CCDC169: variants seen among roughly 807,000 people sequenced by gnomAD.
CCDC169 encodes coiled-coil domain-containing protein 169.
Under a neutral mutation model 36.0 loss-of-function variants are expected in CCDC169, and 30 were observed. The ratio of observed to expected loss-of-function variants is 0.83; its 90% CI spans 0.62 to 1.13. CCDC169 has a LOEUF of 1.13. Among genes scored for constraint, CCDC169 ranks in the 50% most tolerant of loss-of-function variants. CCDC169 has a pLI of 0.00. For missense variants in CCDC169, 245 were observed against 245.9 expected, an observed-to-expected ratio of 1.00 and a Z score of 0.03; for synonymous variants, 85 against 81.5, an observed-to-expected ratio of 1.04 and a Z score of -0.23.
chr13:36,247,241 T>A (rs1344174266), intron 7 of CCDC169, among the ~76,000 whole-genome samples: 2 of 152,208 alleles, frequency 1.3e-5, no homozygotes, highest in African/African-American at 4.8e-5. Flanking sequence ...CCTGGTTACA[T>A]CCAAGAACTC....
chr13:36,276,437 C>A (rs909415159), intron 4 of CCDC169, among the ~76,000 whole-genome samples: 2 of 152,108 alleles, frequency 1.3e-5, no homozygotes, highest in African/African-American at 2.4e-5. Flanking sequence ...ACAAATTGAT[C>A]AAGAGTCTTC....
intron 4 of CCDC169, chr13:36,267,346 A>C (rs1435261600): frequency 6.6e-6 from 1 of 152,224 alleles, no homozygotes; most frequent in East Asian, 1.9e-4. Flanking sequence ...ATAATTTTGT[A>C]TCCAGCAAAA....
At chr13:36,223,386 A>G (rs542749255), downstream of CCDC169, 2 of 152,276 alleles carry the variant, frequency 1.3e-5, no homozygotes, top group East Asian at 3.9e-4. Context: ...ACGACTGGGT[A>G]GTTCTCCAGA....
At chr13:36,290,840 T>A (rs1373223828) in intron 2 of CCDC169, among the ~76,000 whole-genome samples, 1 of 152,104 alleles carries the variant, frequency 6.6e-6, no homozygotes, top group African/African-American at 2.4e-5. Context: ...TCTTTGACTC[T>A]AAGTTCCTTG....
At chr13:36,256,220 G>A (rs1310439673) in intron 4 of CCDC169, among the ~76,000 whole-genome samples, 2 of 152,132 alleles carry the variant, frequency 1.3e-5, no homozygotes, top group South Asian at 4.2e-4. Flanking sequence ...AAGTTCAGGA[G>A]GCCTGTTTTT....
intron 4 of CCDC169, among the ~76,000 whole-genome samples, chr13:36,271,374 T>C (rs890762272): frequency 1.3e-5 from 2 of 152,076 alleles, no homozygotes; most frequent in Admixed American, 6.5e-5. Flanking sequence ...TAAAAGTAGA[T>C]CTACCATGTG....
At chr13:36,269,354 A>C (rs1256927144) in intron 4 of CCDC169, among the ~76,000 whole-genome samples, 1 of 152,214 alleles carries the variant, frequency 6.6e-6, no homozygotes, top group Non-Finnish European at 1.5e-5. Context: ...CATTCAAAGA[A>C]TTGGTATCAA....
At chr13:36,277,311 CA>C (rs1387912789) in intron 4 of CCDC169, among the ~76,000 whole-genome samples, 1 of 151,932 alleles carries the variant, frequency 6.6e-6, no homozygotes, top group South Asian at 2.1e-4. Context: ...TGGGGCCTGT[CA>C]GGGGGTAGGG....
chr13:36,283,108 T>C lies in CCDC169; in HGVS notation c.315+361A>G, dbSNP rs573754308. ...GAAAAATTCCTGACTTTCCAAGATA[T>C]GGAAATAAAGGCATGTCTGGGTTGA... On this transcript the variant is annotated intron_variant, in intron 4 of 7. Transcript: ENST00000239859. The C allele has an allele frequency of 5.7e-5, 12 of 211,626 alleles. No individual in the cohort carries two copies. In the South Asian group the frequency reaches 1.1e-3, roughly 19 times the overall value. 13.1% of individuals were successfully genotyped at this position (211,626 alleles called of 1,614,324 possible). A position where few individuals can be genotyped will look rare whatever the true frequency, so the allele number is the denominator to read the frequency against.
At chr13:36,261,712 G>C (rs1364625472) in intron 4 of CCDC169, among the ~76,000 whole-genome samples, 3 of 152,168 alleles carry the variant, frequency 2.0e-5, no homozygotes, top group African/African-American at 7.2e-5. Flanking sequence ...TCATAGCAAA[G>C]AAAACCCACA....
chr13:36,251,620 G>A (rs887639420), intron 6 of CCDC169, among the ~76,000 whole-genome samples: 2 of 152,060 alleles, frequency 1.3e-5, no homozygotes, highest in South Asian at 4.1e-4. Flanking sequence ...TTATGATTAT[G>A]AGCATACATT....
At chr13:36,262,009 T>C (rs1874666125) in intron 4 of CCDC169, among the ~76,000 whole-genome samples, 1 of 152,144 alleles carries the variant, frequency 6.6e-6, no homozygotes, top group Non-Finnish European at 1.5e-5. Flanking sequence ...GGAAAACCAT[T>C]AAGAGGTGCC....
chr13:36,278,957 A>G (rs1166203982), intron 4 of CCDC169, among the ~76,000 whole-genome samples: 2 of 152,194 alleles, frequency 1.3e-5, no homozygotes, highest in African/African-American at 4.8e-5. Context: ...ATTGTAATCC[A>G]TGAAGTTATT....
At position 36,243,270 on chromosome 13, in the gene CCDC169, C is replaced by T. The variant is rs553290694; in HGVS notation, c.545+5336G>A. Among the ~76,000 whole-genome samples, 6 of 152,196 alleles carry T rather than the reference C, an allele frequency of 3.9e-5. No homozygotes were observed. The East Asian group carries it at 5.8e-4, about 15-fold the overall frequency. On this transcript the variant is annotated intron_variant, in intron 7 of 7. Transcript: ENST00000239859. ...ATCTCAGCACTTTGGGAGGCCAAGG[C>T]GGGAGGATCTTTTGAGGTCAGGAGT...
chr13:36,255,913 G>A (rs577985476), intron 4 of CCDC169, among the ~76,000 whole-genome samples: 19 of 152,264 alleles, frequency 1.2e-4, no homozygotes, highest in South Asian at 2.1e-4. Flanking sequence ...CGTCCTCCAC[G>A]TAGTCTCTTA....
intron 2 of CCDC169, among the ~76,000 whole-genome samples, chr13:36,291,989 CTTTTTTTT>C (rs35326800): frequency 3.0e-5 from 4 of 134,868 alleles, no homozygotes; most frequent in African/African-American, 1.1e-4. Context: ...AATAAGTCTT[CTTTTTTTT>C]TTTTTTTTTG....
chr13:36,270,847 T>C (rs1875956196), intron 4 of CCDC169, among the ~76,000 whole-genome samples: 1 of 152,156 alleles, frequency 6.6e-6, no homozygotes, highest in South Asian at 2.1e-4. Context: ...AAAATTCTCA[T>C]AGACATTGGC....
chr13:36,250,160 C>A (rs1872972644), intron 6 of CCDC169, among the ~76,000 whole-genome samples: 1 of 152,070 alleles, frequency 6.6e-6, no homozygotes, highest in Admixed American at 6.6e-5. Flanking sequence ...ATGGGGGACT[C>A]CACATGGAAG....
rs1380911786 is a variant in CCDC169, at chr13:36,285,610, G to GATAC, written c.164-1909_164-1908insGTAT. On this transcript the variant is annotated intron_variant, in intron 2 of 7. Coordinates refer to ENST00000239859, the MANE Select transcript of CCDC169 (RefSeq NM_001144981.3). Reference sequence around the variant, plus strand: ...AGATAGATAGATAGATAGATAGATAGATAGATAGATACATAGATACATAGA... The same window carrying GATAC: ...AGATAGATAGATAGATAGATAGATAGATACATAGATAGATACATAGATACATAGA... 4.7e-3 allele frequency among the ~76,000 whole-genome samples: 690 copies of GATAC among 148,140 alleles called. 10 individuals are homozygous for GATAC. The highest frequency in any genetic ancestry group is 0.015 in the African/African-American group (598 of 39,802).
Sources: gnomAD v4.1 joint callset for allele counts (sites outside exome capture counted in the v4.1 genomes callset) on GRCh38, gnomAD v4.1.1 for gene constraint, MANE v1.5 for transcripts, NCBI Gene and HGNC (gene_info 2026-07-23, HGNC 2026-07-21) for gene names.